The following AGA variants were observed in gnomAD, a reference collection of about 807,000 sequenced individuals.
AGA encodes aspartylglucosaminidase, also known as N(4)-(beta-N-acetylglucosaminyl)-L-asparaginase.
A neutral mutation model predicts 40.1 loss-of-function variants in AGA; 31 were observed. The observed-to-expected ratio is 0.77, with a 90% CI of 0.58 to 1.04. The LOEUF is 1.04. AGA is among the 50% of genes least tolerant of loss of function. The pLI is 0.00. For missense variants in AGA, 445 were observed against 435.4 expected (o/e 1.02, Z -0.20); for synonymous variants, 148 against 144.0 (o/e 1.03, Z -0.20).
chr4:177,441,553 A>C (rs1373418676), intron 1 of AGA, among the ~76,000 whole-genome samples: 2 of 152,216 alleles, frequency 1.3e-5, no homozygotes, highest in Non-Finnish European at 2.9e-5. Flanking sequence ...CAGTTAAGTC[A>C]GGGAACGCTT....
rs1211143576 is a variant in AGA at position 177,436,278 on chromosome 4, A to G, written c.696T>C (p.His232=). 4.4e-6 allele frequency: 7 copies of G among 1,609,032 alleles called. No individual in the cohort carries two copies. The East Asian group carries it at 8.9e-5, about 20-fold the overall frequency. The change falls in exon 6 of 9, where the codon CAT becomes CAC. Residue 232 remains histidine (H), a splice_region_variant and synonymous_variant. Coordinates refer to ENST00000264595, the MANE Select transcript of AGA (RefSeq NM_000027.4). ...TCTGTTCTTTTGGAAACACTAACCCATGTATTTTGAATTTTATACCATTTG... is the reference window on the plus strand; with the variant it reads ...TCTGTTCTTTTGGAAACACTAACCCGTGTATTTTGAATTTTATACCATTTG... ...TSTNGIKFKI[H]GRVGDSPIPG...
In AGA at chr4:177,434,021, C is replaced by T. The variant is rs542178753; in HGVS notation, c.806+361G>A. 8.5e-5 allele frequency among the ~76,000 whole-genome samples: 13 copies of T among 152,242 alleles called. No homozygotes were observed. The South Asian group carries it at 2.5e-3, about 29-fold the overall frequency. On this transcript the variant is annotated intron_variant, in intron 7 of 8. Coordinates refer to ENST00000264595, the MANE Select transcript of AGA (RefSeq NM_000027.4). ...TTCTTTTATTTTCTTGAGACACAGTCTCATTCTTGTTGCCCACACTGGAGT... is the reference window on the plus strand; with the variant it reads ...TTCTTTTATTTTCTTGAGACACAGTTTCATTCTTGTTGCCCACACTGGAGT...
chr4:177,434,300 G>T, intron 7 of AGA, 82 bp downstream of exon 7: 2 of 1,323,096 alleles, frequency 1.5e-6, no homozygotes, highest in Non-Finnish European at 2.2e-6. Context: ...ACTGCACCCA[G>T]CCTCAAAAAT....
chr4:177,440,116 T>C (rs1736947873), intron 2 of AGA, 157 bp downstream of exon 2: 1 of 854,138 alleles, frequency 1.2e-6, no homozygotes, highest in South Asian at 1.5e-5. Context: ...TTTTTTTTTT[T>C]CAGTTGAGAG....
chr4:177,433,532 T>C (rs1736695774), intron 7 of AGA, among the ~76,000 whole-genome samples, 185 bp from the exon 8 acceptor site: 1 of 152,366 alleles, frequency 6.6e-6, no homozygotes, highest in East Asian at 1.9e-4. Context: ...ACAGAGTCTA[T>C]CTTTTCAACT....
chr4:177,439,788 C>T, intron 2 of AGA, 100 bp from the exon 3 acceptor site: 1 of 889,116 alleles, frequency 1.1e-6, no homozygotes, highest in Non-Finnish European at 1.9e-6. Flanking sequence ...TGCGGTTAAA[C>T]TCCACCATCT....
rs772303323 is a variant in AGA, at chr4:177,430,934, C to A, written c.*774G>T. On this transcript the variant is annotated 3_prime_UTR_variant, in exon 9 of 9. Transcript: ENST00000264595. ...ACAAACCAAGCTAAACAACCCATTT[C>A]TTGACTTCTAATTGCCATACCCACC... 1.1e-5 allele frequency: 5 copies of A among 454,038 alleles called. No homozygotes were observed. The allele number at this position is 454,038 out of a possible 1,614,324, so 28.1% of individuals were successfully genotyped here.
At chr4:177,433,827 T>C (rs1237385636) in intron 7 of AGA, among the ~76,000 whole-genome samples, 2 of 151,944 alleles carry the variant, frequency 1.3e-5, no homozygotes, top group Non-Finnish European at 2.9e-5. Context: ...TCATAAGTAT[T>C]CTCATCTGGG....
At chr4:177,436,984 T>C (rs907971261) in intron 5 of AGA, 2 of 235,716 alleles carry the variant, frequency 8.5e-6, no homozygotes, top group Non-Finnish European at 1.7e-5. Flanking sequence ...CTTGAACTTC[T>C]CAGGCTCCAG....
chr4:177,439,813 C>T (rs1736937738), intron 2 of AGA, 125 bp from the exon 3 acceptor site: 1 of 788,766 alleles, frequency 1.3e-6, no homozygotes. Flanking sequence ...ACAGAAGTGA[C>T]AGCACATCCA....
intron 4 of AGA, among the ~76,000 whole-genome samples, chr4:177,438,356 C>A (rs1440705869): frequency 6.6e-6 from 1 of 152,074 alleles, no homozygotes; most frequent in Non-Finnish European, 1.5e-5. Flanking sequence ...ATTACATGTC[C>A]TCAAGTCAAG....
chr4:177,438,090 T>C (rs1037961235), intron 4 of AGA, among the ~76,000 whole-genome samples: 13 of 152,180 alleles, frequency 8.5e-5, no homozygotes, highest in Non-Finnish European at 1.6e-4. Flanking sequence ...AGAAACCTAT[T>C]CCTATTCCTC....
chr4:177,433,486 T>A, intron 7 of AGA, 139 bp from the exon 8 acceptor site: 1 of 942,442 alleles, frequency 1.1e-6, no homozygotes. Context: ...GTCGGTTACT[T>A]CTGTTAAAGC....
chr4:177,432,475 CATA>C (rs1009469568), intron 8 of AGA, among the ~76,000 whole-genome samples: 4 of 152,112 alleles, frequency 2.6e-5, no homozygotes, highest in African/African-American at 9.7e-5. Context: ...TTTTCCCCTT[CATA>C]ATTTTTATTG....
chr4:177,442,427 G>C lies in AGA; in HGVS notation c.-52C>G, dbSNP rs577874830. 8.7e-6 allele frequency: 14 copies of C among 1,612,272 alleles called. No homozygotes were observed. The highest frequency in any genetic ancestry group is 1.1e-5 in the Non-Finnish European group (13 of 1,179,296). Reference sequence around the variant, plus strand: ...AGAAAAGTCCCGGCAGCCAGCGATCGCCGAACAATTAATCCCCAGTGCCCC... The same window carrying C: ...AGAAAAGTCCCGGCAGCCAGCGATCCCCGAACAATTAATCCCCAGTGCCCC... On this transcript the variant is annotated 5_prime_UTR_variant, in exon 1 of 9. Transcript: ENST00000264595.
At position 177,434,496 on chromosome 4, in the gene AGA, GA is replaced by G; in HGVS notation, c.699-8del. 1 of 1,612,642 alleles carries G rather than the reference GA, an allele frequency of 6.2e-7. No individual in the cohort carries two copies. Among genetic ancestry groups the G allele is most frequent in the Non-Finnish European group, 8.5e-7 (1 of 1,178,682 alleles). ...TGGTGAGTCTCCTACACGGCTTTGA[GA>G]GGGTATTAACAATTTACGGCAGGAA... On this transcript the variant is annotated splice_region_variant and splice_polypyrimidine_tract_variant and intron_variant, in intron 6 of 8. Transcript: ENST00000264595.
Position 177,442,330 on chromosome 4 carries a change from G to A in AGA, c.46C>T (p.Leu16Phe), listed in dbSNP as rs1304530458. Residue 16 changes from leucine (L) to phenylalanine (F), a missense_variant, in exon 1 of 9, where the codon CTC becomes TTC. Physicochemically the swap from Leu to Phe is conservative, Grantham distance 22. Coordinates refer to ENST00000264595, the MANE Select transcript of AGA (RefSeq NM_000027.4). ...NLPVLLVPFL[L>F]CQALVRCSSP... ...GAGCAGCGCACTAGGGCCTGGCAGA[G>A]CAGAAACGGCACGAGAAGCACAGGC... 3.7e-6 allele frequency: 6 copies of A among 1,614,130 alleles called. No individual in the cohort carries two copies. Among genetic ancestry groups the A allele is most frequent in the Middle Eastern group, 3.3e-4 (2 of 6,062 alleles).
In AGA at chr4:177,433,261, G is replaced by A. The variant is rs1464516429; in HGVS notation, c.893C>T (p.Pro298Leu). 6.2e-7 allele frequency: 1 copy of A among 1,613,930 alleles called. No homozygotes were observed. Among genetic ancestry groups the A allele is most frequent in the African/African-American group, 1.3e-5 (1 of 74,900 alleles). ...ACATATAACAGCCCCAAAGAATTCT[G>A]GAAAATGCTTCTGGATTCTTGAAAT... ...KVISRIQKHF[P>L]EFFGAVICAN... Residue 298 changes from proline (P) to leucine (L), a missense_variant, in exon 8 of 9, where the codon CCA (proline) becomes CTA (leucine). Coordinates refer to ENST00000264595, the MANE Select transcript of AGA (RefSeq NM_000027.4).
intron 1 of AGA, 84 bp downstream of exon 1, chr4:177,442,165 C>G (rs1205847008): frequency 2.5e-6 from 4 of 1,581,188 alleles, no homozygotes; most frequent in Non-Finnish European, 3.4e-6. Context: ...TCCGCCCTGC[C>G]GGGTGACTGC....
Sources: gnomAD v4.1 joint callset for allele counts (sites outside exome capture counted in the v4.1 genomes callset) on GRCh38, gnomAD v4.1.1 for gene constraint, MANE v1.5 for transcripts, NCBI Gene and HGNC (gene_info 2026-07-23, HGNC 2026-07-21) for gene names.